The following SASS6 variants were observed in gnomAD, a reference collection of about 807,000 sequenced individuals.
SASS6 encodes SAS-6 centriolar assembly protein.
A neutral mutation model predicts 94.9 loss-of-function variants in SASS6; 59 were observed. The ratio of observed to expected loss-of-function variants is 0.62; its 90% confidence interval spans 0.50 to 0.77. The LOEUF (loss-of-function observed/expected upper bound fraction) is 0.77, where lower values mean the gene tolerates loss of function less well. Among genes scored for constraint, SASS6 ranks in the 30% least tolerant of loss-of-function variants. The probability of loss-of-function intolerance (pLI) is 0.00; values close to 1 mark genes in which losing one functional copy is unlikely to be tolerated. For missense variants in SASS6, 698 were observed against 734.1 expected, an observed-to-expected ratio of 0.95 and a Z score of 0.57; for synonymous variants, 264 against 270.0, an observed-to-expected ratio of 0.98 and a Z score of 0.22.
chr1:100,131,837 T>A (rs1049835900), intron 1 of SASS6, among the ~76,000 whole-genome samples: 18 of 152,326 alleles, frequency 1.2e-4, no homozygotes, highest in African/African-American at 4.1e-4. Flanking sequence ...TCACACCTGA[T>A]CCTCATTACA....
intron 13 of SASS6, among the ~76,000 whole-genome samples, chr1:100,104,801 A>G (rs1443308117): frequency 6.8e-6 from 1 of 147,478 alleles, no homozygotes; most frequent in Non-Finnish European, 1.5e-5. Context: ...AAAAAAAAAA[A>G]GCAGGGCTGG....
intron 1 of SASS6, among the ~76,000 whole-genome samples, chr1:100,132,441 G>C (rs1161871202): frequency 6.6e-6 from 1 of 152,082 alleles, no homozygotes; most frequent in East Asian, 1.9e-4. Context: ...CTCTGGGCCA[G>C]AGTTCTTATC....
At chr1:100,085,814 C>A (rs888217484) in intron 15 of SASS6, among the ~76,000 whole-genome samples, 184 bp from the exon 16 acceptor site, 1 of 151,894 alleles carries the variant, frequency 6.6e-6, no homozygotes, top group Non-Finnish European at 1.5e-5. Flanking sequence ...ACCAAAGTAT[C>A]CTCAGTAAAG....
chr1:100,093,392 T>C (rs1428047243), intron 14 of SASS6, among the ~76,000 whole-genome samples: 2 of 152,288 alleles, frequency 1.3e-5, no homozygotes, highest in South Asian at 2.1e-4. Context: ...CTTTCTGTTA[T>C]AGATTTCTAG....
At chr1:100,115,041 C>T (rs1241477969) in intron 7 of SASS6, among the ~76,000 whole-genome samples, 1 of 151,644 alleles carries the variant, frequency 6.6e-6, no homozygotes, top group Non-Finnish European at 1.5e-5. Context: ...TAGTTATTTA[C>T]CAAAAAAGAC....
At chr1:100,093,324 T>G (rs540602600) in intron 14 of SASS6, among the ~76,000 whole-genome samples, 2 of 152,020 alleles carry the variant, frequency 1.3e-5, no homozygotes, top group African/African-American at 4.8e-5. Context: ...GGACCACAGG[T>G]GTGTGTGACC....
intron 7 of SASS6, among the ~76,000 whole-genome samples, chr1:100,112,315 T>C (rs934772649): frequency 4.6e-5 from 7 of 152,006 alleles, no homozygotes; most frequent in African/African-American, 1.4e-4. Context: ...AATAAAAAAT[T>C]CTATGAAGAA....
chr1:100,113,436 G>T (rs1321857175), intron 7 of SASS6, among the ~76,000 whole-genome samples: 1 of 151,922 alleles, frequency 6.6e-6, no homozygotes, highest in African/African-American at 2.4e-5. Flanking sequence ...GTGAAACCCT[G>T]TCTCTACTAA....
intron 7 of SASS6, among the ~76,000 whole-genome samples, chr1:100,113,405 G>A (rs919341130): frequency 6.6e-6 from 1 of 151,884 alleles, no homozygotes; most frequent in African/African-American, 2.4e-5. Flanking sequence ...TCAGGAGATC[G>A]AGACCATCCT....
chr1:100,092,547 C>G (rs906953661), intron 14 of SASS6, among the ~76,000 whole-genome samples: 1 of 151,948 alleles, frequency 6.6e-6, no homozygotes, highest in Non-Finnish European at 1.5e-5. Context: ...ACGAACTAGT[C>G]TTCTCCACTC....
Position 100,085,300 on chromosome 1 carries a change from C to T in SASS6, c.*28G>A. 2 of 1,381,688 alleles carry T rather than the reference C, an allele frequency of 1.4e-6. No homozygotes were observed. Among genetic ancestry groups the T allele is most frequent in the Middle Eastern group, 1.8e-4 (1 of 5,624 alleles). The allele number at this position is 1,381,688 out of a possible 1,614,324, so 85.6% of individuals were successfully genotyped here. On this transcript the variant is annotated 3_prime_UTR_variant, in exon 17 of 17. Coordinates refer to ENST00000287482, the MANE Select transcript of SASS6 (RefSeq NM_194292.3). ...TTAAGCACCTGAGTTTCTAAAATACCAATAAAAAGTAAAACATGACACTAG... is the reference window on the plus strand; with the variant it reads ...TTAAGCACCTGAGTTTCTAAAATACTAATAAAAAGTAAAACATGACACTAG...
chr1:100,123,964 T>C (rs1165343799), intron 2 of SASS6, among the ~76,000 whole-genome samples: 1 of 152,180 alleles, frequency 6.6e-6, no homozygotes, highest in African/African-American at 2.4e-5. Flanking sequence ...ACCAAAATTA[T>C]GTACCAGAGA....
chr1:100,091,634 A>AT (rs1651700885), intron 14 of SASS6, among the ~76,000 whole-genome samples: 1 of 148,390 alleles, frequency 6.7e-6, no homozygotes, highest in African/African-American at 2.4e-5. Flanking sequence ...TCTCATTAAA[A>AT]AAAAAAAAAA....
chr1:100,121,049 CAAA>C (rs781458509), intron 5 of SASS6, among the ~76,000 whole-genome samples: 2 of 48,274 alleles, frequency 4.1e-5, no homozygotes, highest in Non-Finnish European at 4.2e-5. Flanking sequence ...GACTCCGTCT[CAAA>C]AAAAAAAAAA....
rs1652649786 is a variant in SASS6, at chr1:100,103,396, G to A, written c.1546-313C>T. Among the ~76,000 whole-genome samples, 10 of 152,232 alleles carry A rather than the reference G, an allele frequency of 6.6e-5. 1 individual carries two copies. The South Asian group carries it at 2.1e-3, about 32-fold the overall frequency. On this transcript the variant is annotated intron_variant, in intron 13 of 16. Coordinates refer to ENST00000287482, the MANE Select transcript of SASS6 (RefSeq NM_194292.3). ...TCACTCTAAGTCTCCTAAAAAAGGG[G>A]GGAATGGGGGAGTCTGGAGATCAAT...
intron 14 of SASS6, among the ~76,000 whole-genome samples, chr1:100,094,468 T>G (rs964526505): frequency 6.6e-6 from 1 of 152,184 alleles, no homozygotes; most frequent in African/African-American, 2.4e-5. Context: ...GCCAGTATTG[T>G]CCTGATTTAA....
intron 7 of SASS6, among the ~76,000 whole-genome samples, chr1:100,110,954 G>T (rs954249091): frequency 6.6e-6 from 1 of 151,750 alleles, no homozygotes; most frequent in African/African-American, 2.4e-5. Context: ...ATTGTAAAAC[G>T]AGCAAGGTTG....
chr1:100,101,784 A>G (rs1283782146), intron 14 of SASS6, among the ~76,000 whole-genome samples: 1 of 152,230 alleles, frequency 6.6e-6, no homozygotes, highest in African/African-American at 2.4e-5. Context: ...TATTCCAGGC[A>G]TAAAAACTCA....
At chr1:100,108,606 C>T (rs1304482586) in intron 8 of SASS6, among the ~76,000 whole-genome samples, 2 of 151,900 alleles carry the variant, frequency 1.3e-5, no homozygotes, top group East Asian at 1.9e-4. Context: ...ATATGAAAGC[C>T]CAGGATACAA....
Sources: gnomAD v4.1 joint callset for allele counts (sites outside exome capture counted in the v4.1 genomes callset) on GRCh38, gnomAD v4.1.1 for gene constraint, MANE v1.5 for transcripts, NCBI Gene and HGNC (gene_info 2026-07-23, HGNC 2026-07-21) for gene names.